Variants in ACCSL observed in about 807,000 individuals in gnomAD.
ACCSL encodes 1-aminocyclopropane-1-carboxylate synthase homolog (inactive) like, also known as probable inactive 1-aminocyclopropane-1-carboxylate synthase-like protein 2.
Under a neutral mutation model 61.7 loss-of-function variants are expected in ACCSL, and 55 were observed. That is an observed-to-expected ratio of 0.89 (90% CI 0.72 to 1.12). The LOEUF is 1.12. Ranked by LOEUF, ACCSL falls within the 50% of genes most tolerant of loss-of-function variation. The probability of loss-of-function intolerance (pLI) is 0.00; values close to 1 mark genes in which losing one functional copy is unlikely to be tolerated. For missense variants in ACCSL, 632 were observed against 698.0 expected, an observed-to-expected ratio of 0.91 and a Z score of 1.07; for synonymous variants, 258 against 264.3, an observed-to-expected ratio of 0.98 and a Z score of 0.23.
the ACCSL span, among the ~76,000 whole-genome samples, chr11:43,961,779 AG>A: frequency 6.6e-6 from 1 of 152,100 alleles, no homozygotes; most frequent in Admixed American, 6.5e-5. Flanking sequence ...CTCTGGAGGT[AG>A]AGAACATAAG....
the ACCSL span, among the ~76,000 whole-genome samples, chr11:44,026,716 A>G: frequency 2.3e-3 from 357 of 152,142 alleles, no homozygotes; most frequent in African/African-American, 8.4e-3. Context: ...TTGTTTATTT[A>G]GTGACTTATC....
At chr11:43,957,439 G>T in the ACCSL span, among the ~76,000 whole-genome samples, 1 of 152,066 alleles carries the variant, frequency 6.6e-6, no homozygotes, top group South Asian at 2.1e-4. Flanking sequence ...TAGGGGTTGT[G>T]GAAGCCAAGG....
chr11:44,053,967 C>T (rs1253479704), intron 8 of ACCSL, among the ~76,000 whole-genome samples: 1 of 152,230 alleles, frequency 6.6e-6, no homozygotes, highest in Non-Finnish European at 1.5e-5. Context: ...ATGCTTACCA[C>T]TTCAAATTTT....
the ACCSL span, among the ~76,000 whole-genome samples, chr11:43,963,962 G>T: frequency 6.6e-6 from 1 of 151,902 alleles, no homozygotes; most frequent in Non-Finnish European, 1.5e-5. Context: ...TATTTGCCTG[G>T]TATGCCATTG....
At chr11:43,972,738 G>C in the ACCSL span, among the ~76,000 whole-genome samples, 4 of 152,130 alleles carry the variant, frequency 2.6e-5, no homozygotes, top group Non-Finnish European at 4.4e-5. Context: ...CCAAGAAGAG[G>C]GTGAATGTCA....
the ACCSL span, among the ~76,000 whole-genome samples, chr11:44,007,750 G>T: frequency 6.6e-6 from 1 of 152,220 alleles, no homozygotes; most frequent in Non-Finnish European, 1.5e-5. Context: ...GATTATGTAT[G>T]CCCTTGCTGG....
rs147480283 is a variant in ACCSL at position 44,059,969 on chromosome 11, C to T, written c.*49C>T. On this transcript the variant is annotated 3_prime_UTR_variant, in exon 14 of 14. Transcript: ENST00000378832. ...TTCCAGCCCATCACTTGCTCAGGGA[C>T]CCCCTAATGTCAGCCTCTGGCCCAG... The T allele has an allele frequency of 1.1e-5, 17 of 1,557,308 alleles. No individual in the cohort carries two copies. The South Asian group carries it at 1.7e-4, about 15-fold the overall frequency.
the ACCSL span, chr11:43,946,988 G>A: frequency 6.6e-6 from 1 of 152,264 alleles, no homozygotes; most frequent in Non-Finnish European, 1.5e-5. Flanking sequence ...AGTCCGTTCT[G>A]TGTTGCTATA....
the ACCSL span, among the ~76,000 whole-genome samples, chr11:43,978,003 C>CTTTTTTTTT: frequency 1.0e-5 from 1 of 97,652 alleles, no homozygotes; most frequent in Non-Finnish European, 1.9e-5. Flanking sequence ...CTAGGAAGCT[C>CTTTTTTTTT]TTTTTTTTTT....
chr11:44,007,314 G>A, the ACCSL span, among the ~76,000 whole-genome samples: 8 of 152,116 alleles, frequency 5.3e-5, no homozygotes, highest in Non-Finnish European at 1.2e-4. Flanking sequence ...CCAGCTTCGG[G>A]CCCCCTTCCC....
chr11:44,048,263 GCCGGATGATCAA>G lies in ACCSL; in HGVS notation c.230_241del (p.Arg77_Asn80del). 3 of 1,614,106 alleles carry G rather than the reference GCCGGATGATCAA, an allele frequency of 1.9e-6. No homozygotes were observed. The highest frequency in any genetic ancestry group is 2.5e-6 in the Non-Finnish European group (3 of 1,180,016). On this transcript the variant is annotated inframe_deletion, in exon 1 of 14. Transcript: ENST00000378832. ...GAAGCCCTTCTGAGTCGCTTAATAT[GCCGGATGATCAA>G]CCTCCTACAGTCTGGGGCCGCGAGT... is the stretch of plus-strand genomic sequence containing the variant.
At chr11:44,033,653 CA>C in the ACCSL span, among the ~76,000 whole-genome samples, 2 of 152,078 alleles carry the variant, frequency 1.3e-5, no homozygotes, top group Non-Finnish European at 2.9e-5. Context: ...GAAAATGAAA[CA>C]AAACCCTTTT....
intron 11 of ACCSL, among the ~76,000 whole-genome samples, chr11:44,057,385 A>G (rs1239010601): frequency 1.3e-5 from 2 of 152,242 alleles, no homozygotes; most frequent in African/African-American, 2.4e-5. Context: ...GAGAAATCCA[A>G]CTGAATGCTT....
chr11:43,960,072 G>A, the ACCSL span, among the ~76,000 whole-genome samples: 1 of 152,092 alleles, frequency 6.6e-6, no homozygotes, highest in Non-Finnish European at 1.5e-5. Context: ...GTCTTCTAGG[G>A]GGCATTCGGA....
the ACCSL span, among the ~76,000 whole-genome samples, chr11:44,004,195 G>T: frequency 6.6e-6 from 1 of 151,928 alleles, no homozygotes; most frequent in Non-Finnish European, 1.5e-5. Context: ...AGGTGAAGGG[G>T]GGGGATGTGT....
intron 11 of ACCSL, among the ~76,000 whole-genome samples, chr11:44,058,042 G>A (rs778339221): frequency 9.2e-5 from 14 of 152,308 alleles, no homozygotes; most frequent in Admixed American, 6.5e-4. Flanking sequence ...GTGTGGTGGC[G>A]TACGCCTGTA....
At chr11:43,941,452 A>AC in the ACCSL span, among the ~76,000 whole-genome samples, 2 of 151,676 alleles carry the variant, frequency 1.3e-5, no homozygotes, top group Non-Finnish European at 2.9e-5. Flanking sequence ...AATCCCACTG[A>AC]CCCCCTCCTT....
Position 44,048,146 on chromosome 11 carries a change from A to G in ACCSL, c.110A>G (p.Gln37Arg). ...CTGTTGGAGATAACGCTGCACTTGC[A>G]GCAGGCCATGACGGAGCACTTCGTG... ...TQLLEITLHL[Q>R]QAMTEHFVQL... Residue 37 changes from glutamine to arginine, a missense_variant, in exon 1 of 14, where the codon CAG becomes CGG. Coordinates refer to ENST00000378832, the MANE Select transcript of ACCSL (RefSeq NM_001031854.2). The G allele has an allele frequency of 6.2e-7, 1 of 1,614,190 alleles. No individual in the cohort carries two copies. The highest frequency in any genetic ancestry group is 2.2e-5 in the East Asian group (1 of 44,874).
At chr11:44,025,507 T>G in the ACCSL span, among the ~76,000 whole-genome samples, 1 of 152,176 alleles carries the variant, frequency 6.6e-6, no homozygotes, top group Non-Finnish European at 1.5e-5. Flanking sequence ...ACTTACATCC[T>G]TATGCATGAT....
Sources: gnomAD v4.1 joint callset for allele counts (sites outside exome capture counted in the v4.1 genomes callset) on GRCh38, gnomAD v4.1.1 for gene constraint, MANE v1.5 for transcripts, NCBI Gene and HGNC (gene_info 2026-07-23, HGNC 2026-07-21) for gene names.